FAAH2: variants seen among roughly 807,000 people sequenced by gnomAD.
FAAH2 encodes the protein fatty-acid amide hydrolase 2.
A neutral mutation model predicts 36.9 loss-of-function variants in FAAH2; 60 were observed. The ratio of observed to expected loss-of-function variants is 1.63; its 90% CI spans 1.32 to 2.02. The LOEUF (loss-of-function observed/expected upper bound fraction) is 2.02. Among genes scored for constraint, FAAH2 ranks in the 30% most tolerant of loss-of-function variants. FAAH2 has a pLI of 0.00. For missense variants in FAAH2, 689 were observed against 397.5 expected, an observed-to-expected ratio of 1.73 and a Z score of -6.23; for synonymous variants, 214 against 143.8, an observed-to-expected ratio of 1.49 and a Z score of -3.49.
intron 10 of FAAH2, among the ~76,000 whole-genome samples, chrX:57,465,853 T>C (rs1449574632): frequency 9.1e-6 from 1 of 110,387 alleles, no homozygotes; most frequent in African/African-American, 3.3e-5. Context: ...TTAAATGGTA[T>C]GTTTTGAATT....
At chrX:57,362,582 G>A (rs186290421) in intron 5 of FAAH2, among the ~76,000 whole-genome samples, 2 of 111,553 alleles carry the variant, frequency 1.8e-5, no homozygotes, top group Admixed American at 1.9e-4. Context: ...TTCTTTTGCT[G>A]TGCAAAAGCT....
intron 5 of FAAH2, among the ~76,000 whole-genome samples, chrX:57,346,030 C>G (rs773522130): frequency 9.0e-6 from 1 of 111,282 alleles, no homozygotes; most frequent in Non-Finnish European, 1.9e-5. Flanking sequence ...TTGAGACTTG[C>G]TGTATGACCA....
chrX:57,437,818 T>C (rs934610457), intron 8 of FAAH2, among the ~76,000 whole-genome samples: 1 of 102,894 alleles, frequency 9.7e-6, no homozygotes. Flanking sequence ...TTTATATTTT[T>C]AAATTATATA....
At chrX:57,222,432 G>A in the FAAH2 span, among the ~76,000 whole-genome samples, 1 of 111,360 alleles carries the variant, frequency 9.0e-6, no homozygotes. Flanking sequence ...CAGTCTAAGG[G>A]ACCTACCGCC....
upstream of FAAH2, among the ~76,000 whole-genome samples, chrX:57,285,889 A>G (rs991761683): frequency 2.7e-5 from 3 of 112,205 alleles, no homozygotes; most frequent in Admixed American, 9.4e-5. Context: ...CAGAGTGATC[A>G]GCTAGATTAT....
intron 2 of FAAH2, among the ~76,000 whole-genome samples, chrX:57,304,004 C>T (rs940359986): frequency 6.3e-5 from 7 of 110,887 alleles, no homozygotes; most frequent in African/African-American, 6.5e-5. Context: ...GTCAGGAGTT[C>T]GAGACCAGCC....
At chrX:57,352,044 ATAT>A (rs2054017372) in intron 5 of FAAH2, among the ~76,000 whole-genome samples, 1 of 17,770 alleles carries the variant, frequency 5.6e-5, no homozygotes, top group African/African-American at 1.6e-4. Flanking sequence ...ATACATATAT[ATAT>A]GTGTATATAT....
chrX:57,168,973 T>G, the FAAH2 span, among the ~76,000 whole-genome samples: 1 of 111,435 alleles, frequency 9.0e-6, no homozygotes, highest in Non-Finnish European at 1.9e-5. Context: ...AAACTTATTT[T>G]CTCAGATCTC....
the FAAH2 span, among the ~76,000 whole-genome samples, chrX:57,159,155 T>C: frequency 1.8e-5 from 2 of 112,027 alleles, no homozygotes; most frequent in Non-Finnish European, 3.8e-5. Flanking sequence ...GTTGTAGATG[T>C]GTGGCATTAT....
At chrX:57,168,214 G>T in the FAAH2 span, among the ~76,000 whole-genome samples, 1 of 110,331 alleles carries the variant, frequency 9.1e-6, no homozygotes, top group African/African-American at 3.3e-5. Flanking sequence ...GTCTCATCTT[G>T]TATATTCTAT....
At chrX:57,357,629 C>T (rs1474497642) in intron 5 of FAAH2, among the ~76,000 whole-genome samples, 10 of 111,683 alleles carry the variant, frequency 9.0e-5, no homozygotes, top group Non-Finnish European at 1.7e-4. Flanking sequence ...ATCAAAACCA[C>T]GATAAGATAC....
At chrX:57,168,495 A>T in the FAAH2 span, among the ~76,000 whole-genome samples, 1 of 112,354 alleles carries the variant, frequency 8.9e-6, no homozygotes, top group East Asian at 2.8e-4. Context: ...TCAAATAATC[A>T]CATGCATTAT....
At chrX:57,463,881 G>C (rs2057003587) in intron 10 of FAAH2, among the ~76,000 whole-genome samples, 1 of 111,700 alleles carries the variant, frequency 9.0e-6, no homozygotes, top group Admixed American at 9.5e-5. Context: ...AATACCATTT[G>C]ACCTAGCAAT....
intron 7 of FAAH2, among the ~76,000 whole-genome samples, chrX:57,407,089 C>T (rs1237488191): frequency 8.9e-6 from 1 of 112,164 alleles, no homozygotes; most frequent in African/African-American, 3.2e-5. Context: ...CTCTGCTCCC[C>T]ATTCCCATAA....
At chrX:57,398,810 T>G (rs2055364359) in intron 7 of FAAH2, among the ~76,000 whole-genome samples, 1 of 111,450 alleles carries the variant, frequency 9.0e-6, no homozygotes, top group African/African-American at 3.3e-5. Flanking sequence ...TGTTTAAAGG[T>G]GGGTGCGGTC....
chrX:57,413,447 C>T lies in FAAH2; in HGVS notation c.997-18471C>T, dbSNP rs185106753. ...GTTTCTGTTTTCTGCATATGGCTAG[C>T]CAGTTTTCACAGCACTATTTATTTA... On this transcript the variant is annotated intron_variant, in intron 7 of 10. Transcript: ENST00000374900. Among the ~76,000 whole-genome samples, 751 of 111,964 alleles carry T rather than the reference C, an allele frequency of 6.7e-3. 6 individuals are homozygous for T. Among genetic ancestry groups the T allele is most frequent in the Middle Eastern group, 0.014 (3 of 216 alleles).
intron 1 of FAAH2, among the ~76,000 whole-genome samples, chrX:57,288,596 C>T (rs1213659980): frequency 9.1e-6 from 1 of 109,565 alleles, no homozygotes; most frequent in Non-Finnish European, 1.9e-5. Context: ...GTGATCCACC[C>T]ACCTCGGCCT....
intron 2 of FAAH2, among the ~76,000 whole-genome samples, chrX:57,306,728 GTGTATATA>G (rs1350250953): frequency 8.6e-5 from 3 of 34,965 alleles, no homozygotes; most frequent in Non-Finnish European, 1.4e-4. Flanking sequence ...GTGTGTGTGT[GTGTATATA>G]TATACACACA....
intron 2 of FAAH2, among the ~76,000 whole-genome samples, chrX:57,296,692 T>G (rs187609601): frequency 9.0e-6 from 1 of 110,645 alleles, no homozygotes; most frequent in Non-Finnish European, 1.9e-5. Context: ...GACAAAGAAG[T>G]TAAAAAAACT....
Sources: allele counts gnomAD v4.1 joint callset (sites outside exome capture counted in the v4.1 genomes callset), GRCh38; gene constraint gnomAD v4.1.1; transcripts MANE v1.5; gene names NCBI Gene and HGNC (gene_info 2026-07-23, HGNC 2026-07-21).